Variants in TVP23A observed in about 807,000 individuals in gnomAD.
TVP23A encodes the protein trans-golgi network vesicle protein 23 homolog A, also known as Golgi apparatus membrane protein TVP23 homolog A.
Under a neutral mutation model 31.7 loss-of-function variants are expected in TVP23A, and 21 were observed. That is an observed-to-expected ratio of 0.66 (90% CI 0.47 to 0.95). The LOEUF (loss-of-function observed/expected upper bound fraction) is 0.95. Among genes scored for constraint, TVP23A ranks in the 40% least tolerant of loss-of-function variants. The pLI, the probability that TVP23A is intolerant of heterozygous loss-of-function variation, is 0.00. For missense variants in TVP23A, 279 were observed against 255.6 expected, an observed-to-expected ratio of 1.09 and a Z score of -0.62; for synonymous variants, 104 against 96.0, an observed-to-expected ratio of 1.08 and a Z score of -0.49.
At chr16:10,794,497 C>T (rs1436349119) in intron 2 of TVP23A, among the ~76,000 whole-genome samples, 1 of 152,114 alleles carries the variant, frequency 6.6e-6, no homozygotes, top group African/African-American at 2.4e-5. Flanking sequence ...TTGGGAAAAC[C>T]CAGCTCAACC....
At chr16:10,769,792 A>G (rs2031413290) in intron 7 of TVP23A, among the ~76,000 whole-genome samples, 1 of 152,180 alleles carries the variant, frequency 6.6e-6, no homozygotes, top group African/African-American at 2.4e-5. Context: ...TTTTAATTAT[A>G]TAAAAAAGAG....
rs1422376275 is a variant in TVP23A, at chr16:10,777,614, C to G, written c.90-2518G>C. Among the ~76,000 whole-genome samples, 1 of 152,202 alleles carries G rather than the reference C, an allele frequency of 6.6e-6. No homozygotes were observed. The highest frequency in any genetic ancestry group is 1.5e-5 in the Non-Finnish European group (1 of 68,034). The stretch of plus-strand genomic sequence containing the variant: ...GTGACTTTTTTGCGTAGCAAAGCAC[C>G]AACTATTCACCAGGATGGGTCTCAT... On this transcript the variant is annotated intron_variant, in intron 2 of 7. Transcript: ENST00000299866. This position sits in a 1 kb window ranked among gnomAD's most constrained non-coding sequence, Gnocchi z 4.5.
chr16:10,811,261 A>G (rs1235597232), intron 2 of TVP23A, among the ~76,000 whole-genome samples: 4 of 152,024 alleles, frequency 2.6e-5, no homozygotes, highest in African/African-American at 9.7e-5. Flanking sequence ...TGTGAATTAT[A>G]TTTCTTTTTA....
intron 7 of TVP23A, among the ~76,000 whole-genome samples, chr16:10,769,680 C>A (rs1330861566): frequency 1.3e-5 from 2 of 152,178 alleles, no homozygotes; most frequent in African/African-American, 4.8e-5. Flanking sequence ...CCTTGAATCA[C>A]CCAGTAAGAC....
chr16:10,780,618 G>A (rs1245646718), intron 2 of TVP23A, among the ~76,000 whole-genome samples: 1 of 152,144 alleles, frequency 6.6e-6, no homozygotes, highest in South Asian at 2.1e-4. Context: ...TAATCTCTGA[G>A]TAGCTCTGTG....
chr16:10,797,586 C>G (rs905865021), intron 2 of TVP23A, among the ~76,000 whole-genome samples: 6 of 151,634 alleles, frequency 4.0e-5, no homozygotes, highest in Admixed American at 6.6e-5. Flanking sequence ...CAAAAATTAG[C>G]CAGGCGTGGT....
At chr16:10,758,638 T>C (rs953961288), downstream of TVP23A, among the ~76,000 whole-genome samples, 1 of 152,170 alleles carries the variant, frequency 6.6e-6, no homozygotes, top group African/African-American at 2.4e-5. Flanking sequence ...GCAGTTATAA[T>C]TCATACTGTG....
chr16:10,786,735 CCTGGTGATGACTGGGGATGGGCAT>C (rs2032778559), intron 2 of TVP23A, among the ~76,000 whole-genome samples: 1 of 4,086 alleles, frequency 2.4e-4, no homozygotes, highest in Non-Finnish European at 5.3e-4. Context: ...GCATTGGGAA[CCTGGTGATGACTGGGGATGGGCAT>C]TGGGAACGTC....
chr16:10,783,653 G>A (rs537577919), intron 2 of TVP23A, among the ~76,000 whole-genome samples: 9 of 152,290 alleles, frequency 5.9e-5, no homozygotes. Context: ...TCCAGCCTGG[G>A]TGACAGAGTG....
At chr16:10,778,694 G>C (rs140789421) in intron 2 of TVP23A, among the ~76,000 whole-genome samples, 2 of 151,568 alleles carry the variant, frequency 1.3e-5, no homozygotes, top group African/African-American at 4.8e-5. Flanking sequence ...GGTCGGGCGC[G>C]GTGGCCCATG....
chr16:10,786,220 T>C (rs10852325), intron 2 of TVP23A, among the ~76,000 whole-genome samples: 37,195 of 152,112 alleles, frequency 0.24, 10,548 homozygotes, highest in African/African-American at 0.67. Flanking sequence ...GATTTATTTT[T>C]CATCCACAGG....
chr16:10,783,185 G>C (rs538347481), intron 2 of TVP23A, among the ~76,000 whole-genome samples: 1 of 152,066 alleles, frequency 6.6e-6, no homozygotes, highest in Non-Finnish European at 1.5e-5. Flanking sequence ...TGAACCATAC[G>C]AATCTCCTGT....
At position 10,779,998 on chromosome 16, in the gene TVP23A, G is replaced by C. The variant is rs1224185688; in HGVS notation, c.90-4902C>G. Reference sequence around the variant, plus strand: ...AGCTACTCGGGAGGCTGAGGCAGGGGAATTGCTTGAACCCAGGAGGCAAAG... The same window carrying C: ...AGCTACTCGGGAGGCTGAGGCAGGGCAATTGCTTGAACCCAGGAGGCAAAG... On this transcript the variant is annotated intron_variant, in intron 2 of 7. Coordinates refer to ENST00000299866, the MANE Select transcript of TVP23A (RefSeq NM_001079512.4). This position sits in a 1 kb window ranked among gnomAD's most constrained non-coding sequence, Gnocchi z 4.9. Among the ~76,000 whole-genome samples the C allele has an allele frequency of 6.6e-6, 1 of 152,096 alleles. No individual in the cohort carries two copies. Among genetic ancestry groups the C allele is most frequent in the Non-Finnish European group, 1.5e-5 (1 of 68,034 alleles).
chr16:10,780,121 GAATGAATA>G (rs2032333393), intron 2 of TVP23A, among the ~76,000 whole-genome samples: 3 of 150,758 alleles, frequency 2.0e-5, no homozygotes, highest in South Asian at 2.1e-4. Context: ...ATGAATGAAT[GAATGAATA>G]AAATAAAATA....
At chr16:10,801,638 TAG>T (rs2142997721) in intron 2 of TVP23A, among the ~76,000 whole-genome samples, 1 of 152,188 alleles carries the variant, frequency 6.6e-6, no homozygotes, top group East Asian at 1.9e-4. Flanking sequence ...TGTATTTTAG[TAG>T]AGATGGGGTT....
chr16:10,810,546 CAAA>C (rs796925406), intron 2 of TVP23A, among the ~76,000 whole-genome samples: 7 of 93,282 alleles, frequency 7.5e-5, no homozygotes, highest in Admixed American at 1.2e-4. Flanking sequence ...GACCCTGTCT[CAAA>C]AAAAAAAAAA....
intron 2 of TVP23A, among the ~76,000 whole-genome samples, chr16:10,816,867 G>A (rs974161475): frequency 4.7e-5 from 7 of 147,894 alleles, no homozygotes; most frequent in African/African-American, 7.5e-5. Flanking sequence ...AAAACTTAAA[G>A]TACAATAATA....
downstream of TVP23A, chr16:10,761,983 A>G (rs1351285907): frequency 1.4e-6 from 1 of 708,376 alleles, no homozygotes; most frequent in South Asian, 1.9e-5. Context: ...GGGGCGCTGG[A>G]GCCAGACCCA....
rs1000907637 is a variant in TVP23A, at chr16:10,768,907, G to C, written c.*195C>G. The C allele has an allele frequency of 8.5e-6, 6 of 705,116 alleles. No individual in the cohort carries two copies. The highest frequency in any genetic ancestry group is 5.4e-5 in the African/African-American group (3 of 55,584). 43.7% of individuals were successfully genotyped at this position (705,116 alleles called of 1,614,324 possible). A position where few individuals can be genotyped will look rare whatever the true frequency, so the allele number is the denominator to read the frequency against. On this transcript the variant is annotated 3_prime_UTR_variant, in exon 8 of 8. Coordinates refer to ENST00000299866, the MANE Select transcript of TVP23A (RefSeq NM_001079512.4). The surrounding 1 kb of genome is among the most constrained non-coding windows in gnomAD (Gnocchi z 4.3). ...TTCCGGTCACTTTCAAAGACTCAGG[G>C]CATCACAGACACAGGTCTTTTTATG...
Sources: allele counts gnomAD v4.1 joint callset (sites outside exome capture counted in the v4.1 genomes callset), GRCh38; gene constraint gnomAD v4.1.1; non-coding constraint Gnocchi (gnomAD v3.1); transcripts MANE v1.5; gene names NCBI Gene and HGNC (gene_info 2026-07-23, HGNC 2026-07-21).